BCAR3: variants seen among roughly 807,000 people sequenced by gnomAD.
BCAR3 encodes the protein BCAR3 adaptor protein, NSP family member, also known as breast cancer anti-estrogen resistance protein 3.
BCAR3 carries 37 observed loss-of-function variants against 80.1 expected under a neutral mutation model. That is an observed-to-expected ratio of 0.46 (90% CI 0.36 to 0.61). BCAR3 has a LOEUF of 0.61. Among genes scored for constraint, BCAR3 ranks in the 20% least tolerant of loss-of-function variants. The pLI is 0.00. For missense variants in BCAR3, 978 were observed against 1,068.2 expected (o/e 0.92, Z 1.18); for synonymous variants, 389 against 418.9 (o/e 0.93, Z 0.87).
At chr1:93,726,710 A>G (rs553039648) in intron 2 of BCAR3, among the ~76,000 whole-genome samples, 7 of 152,306 alleles carry the variant, frequency 4.6e-5, no homozygotes, top group Non-Finnish European at 1.0e-4. Flanking sequence ...TAGAGTGCAT[A>G]AAGTCGTGGT....
intron 2 of BCAR3, among the ~76,000 whole-genome samples, chr1:93,758,782 C>G (rs911788061): frequency 2.0e-5 from 3 of 152,180 alleles, no homozygotes; most frequent in African/African-American, 7.2e-5. Context: ...CCCTGGGTAT[C>G]ACTGCCACCT....
chr1:93,642,224 C>A lies in BCAR3; in HGVS notation c.357+80G>T, dbSNP rs1570998728. On this transcript the variant is annotated intron_variant, in intron 3 of 11. Transcript: ENST00000260502. The stretch of plus-strand genomic sequence containing the variant: ...GCTTTTTACACAAACCAGGCTGCAG[C>A]ATTATTTAGCAACTCTGTGTTCCAA... 8.2e-6 allele frequency: 12 copies of A among 1,470,268 alleles called. No homozygotes were observed. The Middle Eastern group carries it at 1.2e-3, about 148-fold the overall frequency. The allele number at this position is 1,470,268 out of a possible 1,614,324, so 91.1% of individuals were successfully genotyped here.
intron 2 of BCAR3, among the ~76,000 whole-genome samples, chr1:93,815,429 T>C (rs916128396): frequency 6.6e-6 from 1 of 152,196 alleles, no homozygotes; most frequent in African/African-American, 2.4e-5. Flanking sequence ...ACAGAGGCAT[T>C]TGCAGTAGTG....
At chr1:93,587,143 T>A (rs962563560) in intron 5 of BCAR3, among the ~76,000 whole-genome samples, 1 of 152,162 alleles carries the variant, frequency 6.6e-6, no homozygotes, top group South Asian at 2.1e-4. Flanking sequence ...ATTTTAAAAA[T>A]CAGATTATTA....
At chr1:93,785,567 G>C (rs904295275) in intron 2 of BCAR3, among the ~76,000 whole-genome samples, 9 of 152,202 alleles carry the variant, frequency 5.9e-5, no homozygotes, top group African/African-American at 2.2e-4. Flanking sequence ...TATACAAAAA[G>C]ATCTAGCTAT....
chr1:93,702,403 A>G (rs1649676030), intron 3 of BCAR3, among the ~76,000 whole-genome samples: 1 of 152,144 alleles, frequency 6.6e-6, no homozygotes, highest in Non-Finnish European at 1.5e-5. Flanking sequence ...TGTTCCCCCA[A>G]CTTATCAGCT....
chr1:93,831,295 C>G (rs1002886198), intron 2 of BCAR3, among the ~76,000 whole-genome samples: 1 of 152,094 alleles, frequency 6.6e-6, no homozygotes, highest in Non-Finnish European at 1.5e-5. Flanking sequence ...GGCAACTTTC[C>G]GCCCTCCATT....
intron 2 of BCAR3, among the ~76,000 whole-genome samples, chr1:93,823,226 G>C (rs1467146265): frequency 7.5e-6 from 1 of 133,886 alleles, no homozygotes; most frequent in African/African-American, 2.5e-5. Context: ...TGCTGGGTGA[G>C]GTGCTAAGTG....
chr1:93,683,931 G>T (rs768287445), upstream of BCAR3, among the ~76,000 whole-genome samples: 1 of 152,062 alleles, frequency 6.6e-6, no homozygotes, highest in Non-Finnish European at 1.5e-5. Flanking sequence ...TTACTCCAAA[G>T]AAATTTTTTT....
At chr1:93,578,080 G>A (rs1027125303) in intron 7 of BCAR3, among the ~76,000 whole-genome samples, 1 of 152,200 alleles carries the variant, frequency 6.6e-6, no homozygotes, top group South Asian at 2.1e-4. Context: ...GGGCAGGGTG[G>A]CAGAAGCACC....
intron 2 of BCAR3, among the ~76,000 whole-genome samples, chr1:93,713,308 A>G (rs1247312282): frequency 2.0e-5 from 3 of 152,154 alleles, no homozygotes. Context: ...AGCTTGAGGA[A>G]GCCACAGAAC....
intron 2 of BCAR3, among the ~76,000 whole-genome samples, chr1:93,712,454 A>G (rs1318075870): frequency 2.6e-5 from 4 of 152,146 alleles, no homozygotes; most frequent in Admixed American, 6.6e-5. Flanking sequence ...CGTGCTCCTC[A>G]GGTTTCCAGA....
intron 8 of BCAR3, among the ~76,000 whole-genome samples, chr1:93,574,828 C>T (rs566334407): frequency 9.9e-5 from 15 of 152,158 alleles, no homozygotes; most frequent in Non-Finnish European, 1.5e-4. Context: ...AGAAGCGGGA[C>T]CTAGAATTCC....
intron 3 of BCAR3, among the ~76,000 whole-genome samples, chr1:93,618,573 C>CTA (rs1250203282): frequency 6.6e-6 from 1 of 152,236 alleles, no homozygotes; most frequent in Non-Finnish European, 1.5e-5. Context: ...CTTTCTTACG[C>CTA]TATCACACAC....
chr1:93,592,337 C>T lies in BCAR3; in HGVS notation c.414G>A (p.Leu138=). The change falls in exon 4 of 12, where the codon CTG becomes CTA. Residue 138 remains leucine, a synonymous_variant. Coordinates refer to ENST00000260502, the MANE Select transcript of BCAR3 (RefSeq NM_003567.4). This position sits in a 1 kb window ranked among gnomAD's most constrained non-coding sequence, Gnocchi z 4.8. The stretch of plus-strand genomic sequence containing the variant: ...CGCTGCTCAGGAGCAGCTCCTCCTC[C>T]AGCTCCTTCTTCAGTTTCTCGGGGG... ...DRTPEKLKKE[L]EEELLLSSED... is the part of the protein sequence containing the mutation. 1 of 1,610,374 alleles carries T rather than the reference C, an allele frequency of 6.2e-7. No homozygotes were observed. The highest frequency in any genetic ancestry group is 8.5e-7 in the Non-Finnish European group (1 of 1,179,896).
intron 2 of BCAR3, among the ~76,000 whole-genome samples, 157 bp from the exon 3 acceptor site, chr1:93,642,500 G>A (rs1210517044): frequency 6.6e-6 from 1 of 152,156 alleles, no homozygotes; most frequent in African/African-American, 2.4e-5. Flanking sequence ...TGGTGGGGTG[G>A]GAGATACCAC....
intron 5 of BCAR3, chr1:93,585,000 CA>C (rs1673884869): frequency 2.0e-6 from 2 of 985,278 alleles, no homozygotes; most frequent in African/African-American, 1.7e-5. Context: ...AAAAACAAAT[CA>C]AAAAACCCCC....
rs201123110 is a variant in BCAR3, at chr1:93,749,363, C to T, written c.-62-43221G>A. 7.9e-5 allele frequency among the ~76,000 whole-genome samples: 12 copies of T among 151,876 alleles called. 1 individual carries two copies. The South Asian group carries it at 1.0e-3, about 13-fold the overall frequency. On this transcript the variant is annotated intron_variant, in intron 2 of 13. Coordinates refer to the BCAR3 transcript ENST00000370244. Reference sequence around the variant, plus strand: ...CAGCACTTTGGGAGGCCGAGGTGGGCGGATCATGAGGTCACGAGATCGAGA... The same window carrying T: ...CAGCACTTTGGGAGGCCGAGGTGGGTGGATCATGAGGTCACGAGATCGAGA...
chr1:93,741,134 T>C (rs1207323216), intron 2 of BCAR3, among the ~76,000 whole-genome samples: 1 of 152,194 alleles, frequency 6.6e-6, no homozygotes, highest in Admixed American at 6.5e-5. Context: ...ATTTAGAATG[T>C]GGCACTTGAA....
Sources: allele counts gnomAD v4.1 joint callset (sites outside exome capture counted in the v4.1 genomes callset), GRCh38; gene constraint gnomAD v4.1.1; non-coding constraint Gnocchi (gnomAD v3.1); transcripts MANE v1.5; gene names NCBI Gene and HGNC (gene_info 2026-07-23, HGNC 2026-07-21).